Variants in AFAP1L2 observed in about 807,000 individuals in gnomAD.
The protein encoded by AFAP1L2 is actin filament-associated protein 1-like 2.
Under a neutral mutation model 99.3 loss-of-function variants are expected in AFAP1L2, and 46 were observed. That is an observed-to-expected ratio of 0.46 (90% CI 0.37 to 0.59). The LOEUF (loss-of-function observed/expected upper bound fraction) is 0.59. Ranked by LOEUF, AFAP1L2 falls within the 20% of genes least tolerant of loss-of-function variation. AFAP1L2 has a pLI of 0.00. For synonymous variants in AFAP1L2, 397 were observed against 419.1 expected (o/e 0.95, Z 0.64); for missense variants, 959 against 1,034.9 (o/e 0.93, Z 1.01).
chr10:114,375,526 A>T, intron 1 of AFAP1L2, among the ~76,000 whole-genome samples: 1 of 152,212 alleles, frequency 6.6e-6, no homozygotes, highest in East Asian at 1.9e-4. Context: ...ATGGGAGTGG[A>T]AATTTTTTTT....
intron 4 of AFAP1L2, 80 bp from the exon 5 acceptor site, chr10:114,323,341 G>C: frequency 7.7e-7 from 1 of 1,303,134 alleles, no homozygotes; most frequent in Non-Finnish European, 1.1e-6. Context: ...TCGGGTGGAA[G>C]TCTAGAAGAC....
At chr10:114,332,079 A>G (rs1165818880) in intron 3 of AFAP1L2, among the ~76,000 whole-genome samples, 182 bp from the exon 4 acceptor site, 1 of 152,154 alleles carries the variant, frequency 6.6e-6, no homozygotes, top group Non-Finnish European at 1.5e-5. Flanking sequence ...AGGGTGCAGG[A>G]GTGCCCCAGA....
chr10:114,309,386 G>A (rs936730481), intron 8 of AFAP1L2, among the ~76,000 whole-genome samples: 1 of 152,206 alleles, frequency 6.6e-6, no homozygotes, highest in Non-Finnish European at 1.5e-5. Context: ...GTGCCTTCTG[G>A]AGAGTAAGTG....
chr10:114,390,928 C>T (rs896566315), intron 1 of AFAP1L2, among the ~76,000 whole-genome samples: 1 of 152,298 alleles, frequency 6.6e-6, no homozygotes, highest in East Asian at 1.9e-4. Context: ...TCTTCAGATA[C>T]TTGTCAGCCT....
intron 1 of AFAP1L2, among the ~76,000 whole-genome samples, chr10:114,359,406 C>T (rs1174751219): frequency 1.3e-5 from 2 of 152,172 alleles, no homozygotes; most frequent in African/African-American, 4.8e-5. Flanking sequence ...GTAAACTTTC[C>T]TTGTACTTCT....
chr10:114,342,365 C>T (rs1462483815), intron 1 of AFAP1L2, among the ~76,000 whole-genome samples: 2 of 152,252 alleles, frequency 1.3e-5, no homozygotes, highest in Non-Finnish European at 2.9e-5. Flanking sequence ...GAGACACCTT[C>T]TCTGGGCCTC....
At chr10:114,313,777 A>T (rs2043645858) in intron 7 of AFAP1L2, 94 bp downstream of exon 7, 1 of 1,307,938 alleles carries the variant, frequency 7.6e-7, no homozygotes, top group African/African-American at 1.5e-5. Context: ...AAGGATCACA[A>T]ATCCTCTACC....
Position 114,300,628 on chromosome 10 carries a change from T to C in AFAP1L2, c.1605A>G (p.Arg535=), listed in dbSNP as rs2286396. The change falls in exon 14 of 19, where the codon CGA becomes CGG. Residue 535 remains arginine (R), a synonymous_variant. Transcript: ENST00000304129. ...ADDPNERESD[R]VYLDLTPVKS... ...TGACAGGTGTGAGGTCCAGGTACAC[T>C]CGGTCAGATTCTCTCTCATTTGGGT... is the stretch of plus-strand genomic sequence containing the variant. 1,300,786 of 1,613,374 alleles carry C rather than the reference T, an allele frequency of 0.81. 533,403 individuals are homozygous for C. Among genetic ancestry groups the C allele is most frequent in the Admixed American group, 0.85 (50,788 of 59,952 alleles).
At chr10:114,312,338 AT>A (rs35149445) in intron 7 of AFAP1L2, among the ~76,000 whole-genome samples, 18,057 of 151,734 alleles carry the variant, frequency 0.12, 1,379 homozygotes, top group African/African-American at 0.22. Context: ...ATGTGCATAC[AT>A]GTGCATTTGT....
intron 2 of AFAP1L2, among the ~76,000 whole-genome samples, chr10:114,334,925 T>C (rs2047706130): frequency 6.6e-6 from 1 of 152,214 alleles, no homozygotes; most frequent in Non-Finnish European, 1.5e-5. Context: ...ATACTGCCTG[T>C]TTCAACCAAA....
chr10:114,290,231 C>A (rs1222117794), downstream of AFAP1L2: 1 of 1,550,240 alleles, frequency 6.5e-7, no homozygotes, highest in Admixed American at 2.0e-5. Context: ...ATGGTGTTCT[C>A]CATTGTAGAA....
the AFAP1L2 span, among the ~76,000 whole-genome samples, chr10:114,283,311 A>C: frequency 7.0e-6 from 1 of 142,444 alleles, no homozygotes; most frequent in Non-Finnish European, 1.5e-5. Flanking sequence ...GCAGTTAGAC[A>C]CACAGGCAGG....
At position 114,402,536 on chromosome 10, in the gene AFAP1L2, G is replaced by T. The variant is rs117735413; in HGVS notation, c.16+1904C>A. Among the ~76,000 whole-genome samples, 336 of 152,268 alleles carry T rather than the reference G, an allele frequency of 2.2e-3. 1 individual carries two copies. Among genetic ancestry groups the T allele is most frequent in the Admixed American group, 6.7e-3 (102 of 15,290 alleles). On this transcript the variant is annotated intron_variant, in intron 1 of 18. Transcript: ENST00000304129. ...TTTACCCACTTATCACTCTGTGTCT[G>T]GTTTACTGCAAAATGATCAGGCAGA...
In AFAP1L2 at chr10:114,327,147, T is replaced by TTATATTTATATATATATA. The variant is rs1554902751; in HGVS notation, c.316-3887_316-3886insTATATATATATAAATATA. ...TGAAGACCGTGAATTTTATATATAT[T>TTATATTTATATATATATA]TATATATATATATATATATATATAT... On this transcript the variant is annotated intron_variant, in intron 4 of 18. Transcript: ENST00000304129. Among the ~76,000 whole-genome samples, 10 of 54,572 alleles carry TTATATTTATATATATATA rather than the reference T, an allele frequency of 1.8e-4. 1 individual carries two copies. Among genetic ancestry groups the TTATATTTATATATATATA allele is most frequent in the Non-Finnish European group, 3.9e-4 (8 of 20,554 alleles). The allele number at this position is 54,572 out of a possible 152,430, so 35.8% of individuals were successfully genotyped here. A position where few individuals can be genotyped will look rare whatever the true frequency, so the allele number is the denominator to read the frequency against.
intron 2 of AFAP1L2, among the ~76,000 whole-genome samples, chr10:114,335,604 C>T (rs1294527473): frequency 1.7e-5 from 2 of 116,910 alleles, no homozygotes; most frequent in East Asian, 6.2e-4. Flanking sequence ...CAGAGCAAGA[C>T]TCCGTCTCAA....
the AFAP1L2 span, chr10:114,282,367 A>AG: frequency 1.3e-4 from 82 of 653,804 alleles, no homozygotes; most frequent in East Asian, 2.0e-3. Context: ...GAGAAAAGTT[A>AG]GGGTAGAATC....
At chr10:114,340,024 A>AAG (rs1396066569) in intron 2 of AFAP1L2, among the ~76,000 whole-genome samples, 40 of 143,690 alleles carry the variant, frequency 2.8e-4, no homozygotes, top group Non-Finnish European at 4.6e-4. Context: ...AAAAAAAAAA[A>AAG]AGAGAGAGAG....
intron 2 of AFAP1L2, among the ~76,000 whole-genome samples, chr10:114,335,920 G>T (rs1564906964): frequency 6.6e-6 from 1 of 152,132 alleles, no homozygotes; most frequent in Non-Finnish European, 1.5e-5. Context: ...ATAAGGATCA[G>T]AAAAGGAACT....
chr10:114,372,342 G>T (rs2054227974), intron 1 of AFAP1L2, among the ~76,000 whole-genome samples: 1 of 152,302 alleles, frequency 6.6e-6, no homozygotes, highest in Admixed American at 6.5e-5. Flanking sequence ...GCCTTGGGCT[G>T]ACTTGCCATT....
Sources: allele counts gnomAD v4.1 joint callset (sites outside exome capture counted in the v4.1 genomes callset), GRCh38; gene constraint gnomAD v4.1.1; transcripts MANE v1.5; gene names NCBI Gene and HGNC (gene_info 2026-07-23, HGNC 2026-07-21).